Variants in GIGYF2 observed in about 807,000 individuals in gnomAD.
GIGYF2 encodes GRB10 interacting GYF protein 2, also known as GRB10-interacting GYF protein 2.
Under a neutral mutation model 208.1 loss-of-function variants are expected in GIGYF2, and 25 were observed. The observed-to-expected ratio is 0.12, with a 90% CI of 0.09 to 0.17. The LOEUF is 0.17. Among genes scored for constraint, GIGYF2 ranks in the 10% least tolerant of loss-of-function variants. The probability of loss-of-function intolerance (pLI) is 1.00; values close to 1 mark genes in which losing one functional copy is unlikely to be tolerated. For missense variants in GIGYF2, 1,302 were observed against 1,579.4 expected (o/e 0.82, Z 2.98); for synonymous variants, 534 against 543.8 (o/e 0.98, Z 0.25).
chr2:232,815,714 C>G lies in GIGYF2; in HGVS notation c.2185C>G (p.Leu729Val), dbSNP rs552038398. 8.8e-6 allele frequency: 14 copies of G among 1,597,222 alleles called. No homozygotes were observed. The Admixed American group carries it at 1.2e-4, about 13-fold the overall frequency. Residue 729 changes from leucine to valine, a missense_variant, in exon 19 of 29, where the codon CTA becomes GTA. Leu to Val is a conservative substitution (Grantham distance 32, BLOSUM62 1). Around this residue, in one of 8 missense-constraint regions of GIGYF2, gnomAD observed 701 missense variants for 793.0 expected, o/e 0.88. Transcript: ENST00000373563. The part of the protein sequence containing the change: ...PGPALEQLQQ[L>V]EKAKAAKLEQ... ...CCCTGCCCTGGAACAGCTTCAGCAG[C>G]TAGAGAAGGCCAAAGCTGCAAAGGT... is the stretch of plus-strand genomic sequence containing the variant.
intron 28 of GIGYF2, 35 bp from the exon 29 acceptor site, chr2:232,856,756 TGG>T: frequency 7.2e-7 from 1 of 1,391,870 alleles, no homozygotes; most frequent in Non-Finnish European, 1.0e-6. Flanking sequence ...CTTGGTTGCC[TGG>T]GTGTGGTCAC....
chr2:232,849,075 A>C (rs1270769346), intron 27 of GIGYF2, among the ~76,000 whole-genome samples: 1 of 152,234 alleles, frequency 6.6e-6, no homozygotes, highest in East Asian at 1.9e-4. Context: ...GATACAGAGA[A>C]GTACAAGGCA....
chr2:232,783,344 A>G (rs1318111111), intron 8 of GIGYF2, among the ~76,000 whole-genome samples: 1 of 151,900 alleles, frequency 6.6e-6, no homozygotes, highest in Non-Finnish European at 1.5e-5. Context: ...GGTTCCAATT[A>G]TTTTTTGTTT....
chr2:232,716,062 C>G (rs1227878567), intron 2 of GIGYF2, among the ~76,000 whole-genome samples: 1 of 151,992 alleles, frequency 6.6e-6, no homozygotes, highest in African/African-American at 2.4e-5. Flanking sequence ...GTTCTTTTTG[C>G]CTTTTTTTGG....
chr2:232,721,727 A>G (rs1389174269), intron 2 of GIGYF2, among the ~76,000 whole-genome samples: 1 of 151,992 alleles, frequency 6.6e-6, no homozygotes, highest in Non-Finnish European at 1.5e-5. Context: ...TTGACAATGC[A>G]TCTCTCTTCC....
At chr2:232,735,078 C>A (rs1048393617) in intron 2 of GIGYF2, 77 bp from the exon 3 acceptor site, 2 of 731,692 alleles carry the variant, frequency 2.7e-6, no homozygotes, top group Non-Finnish European at 4.9e-6. Context: ...ATAAAACACT[C>A]TCTAACTGTA....
At chr2:232,832,724 C>A in intron 21 of GIGYF2, 133 bp from the exon 22 acceptor site, 1 of 676,104 alleles carries the variant, frequency 1.5e-6, no homozygotes, top group Non-Finnish European at 2.6e-6. Context: ...TTCTACCTTG[C>A]ATCATCATGA....
chr2:232,826,423 G>A (rs1363446991), intron 21 of GIGYF2, among the ~76,000 whole-genome samples: 1 of 152,180 alleles, frequency 6.6e-6, no homozygotes, highest in Non-Finnish European at 1.5e-5. Flanking sequence ...GTATCTCATT[G>A]TGGTTTTGAT....
intron 2 of GIGYF2, among the ~76,000 whole-genome samples, chr2:232,712,419 C>T (rs186012028): frequency 2.0e-5 from 3 of 152,056 alleles, no homozygotes; most frequent in Admixed American, 1.3e-4. Context: ...GTTTTTATTC[C>T]CTCGTCATGG....
chr2:232,761,507 T>C (rs1698739989), intron 8 of GIGYF2, 71 bp downstream of exon 8: 1 of 852,214 alleles, frequency 1.2e-6, no homozygotes, highest in Admixed American at 1.8e-5. Flanking sequence ...ACCTCTCCAG[T>C]AGATGGGGCT....
At chr2:232,831,343 A>G (rs900227663) in intron 21 of GIGYF2, among the ~76,000 whole-genome samples, 1 of 152,198 alleles carries the variant, frequency 6.6e-6, no homozygotes, top group African/African-American at 2.4e-5. Flanking sequence ...TCTGTTAGAC[A>G]TAGATAGCTT....
At chr2:232,803,432 T>TTG (rs746434517) in intron 14 of GIGYF2, among the ~76,000 whole-genome samples, 9 of 152,108 alleles carry the variant, frequency 5.9e-5, no homozygotes, top group Admixed American at 1.3e-4. Flanking sequence ...ATGGTTTTTT[T>TTG]TGTGTGTGTG....
At chr2:232,762,730 G>A (rs1367373499) in intron 8 of GIGYF2, among the ~76,000 whole-genome samples, 6 of 152,078 alleles carry the variant, frequency 3.9e-5, no homozygotes, top group Non-Finnish European at 7.4e-5. Context: ...TTGGGAATAC[G>A]TAGTTATATT....
Position 232,792,524 on chromosome 2 carries a change from G to A in GIGYF2, c.1282+1078G>A, listed in dbSNP as rs114686273. Reference sequence around the variant, plus strand: ...AGCTGAAATGGGGGAGATCACTTGAGCCCAGGAGTTTGAGAACAGTGTGGA... The same window carrying A: ...AGCTGAAATGGGGGAGATCACTTGAACCCAGGAGTTTGAGAACAGTGTGGA... On this transcript the variant is annotated intron_variant, in intron 12 of 28. Transcript: ENST00000373563. 2.1e-3 allele frequency among the ~76,000 whole-genome samples: 318 copies of A among 152,190 alleles called. 4 individuals are homozygous for A. Among genetic ancestry groups the A allele is most frequent in the African/African-American group, 7.5e-3 (310 of 41,516 alleles).
intron 8 of GIGYF2, among the ~76,000 whole-genome samples, chr2:232,780,304 A>G (rs1479257123): frequency 6.6e-6 from 1 of 152,232 alleles, no homozygotes; most frequent in African/African-American, 2.4e-5. Flanking sequence ...ATTTGGACTT[A>G]ATAAACTAAG....
chr2:232,851,978 T>C (rs1173326077), intron 28 of GIGYF2, among the ~76,000 whole-genome samples: 1 of 152,204 alleles, frequency 6.6e-6, no homozygotes, highest in Non-Finnish European at 1.5e-5. Flanking sequence ...TGGAAAGGTC[T>C]CAGGCTTGGG....
intron 21 of GIGYF2, among the ~76,000 whole-genome samples, chr2:232,824,952 C>T (rs1208489293): frequency 6.6e-6 from 1 of 152,186 alleles, no homozygotes; most frequent in African/African-American, 2.4e-5. Flanking sequence ...TCTACTCTGC[C>T]TGTGCTGTAT....
intron 8 of GIGYF2, among the ~76,000 whole-genome samples, chr2:232,778,277 A>G (rs1293003386): frequency 6.6e-6 from 1 of 152,200 alleles, no homozygotes; most frequent in African/African-American, 2.4e-5. Flanking sequence ...TAAGGATTTT[A>G]TTAAACTTAA....
intron 22 of GIGYF2, among the ~76,000 whole-genome samples, 152 bp from the exon 23 acceptor site, chr2:232,839,693 TAGTA>T: frequency 6.6e-6 from 1 of 152,318 alleles, no homozygotes; most frequent in Admixed American, 6.5e-5. Context: ...GCTGAGAGGA[TAGTA>T]AGTAAAAGCA....
Sources: allele counts gnomAD v4.1 joint callset (sites outside exome capture counted in the v4.1 genomes callset), GRCh38; gene constraint gnomAD v4.1.1; regional missense constraint gnomAD v4.1.1; transcripts MANE v1.5; gene names NCBI Gene and HGNC (gene_info 2026-07-23, HGNC 2026-07-21).